GPHN: variants seen among roughly 807,000 people sequenced by gnomAD.
The protein encoded by GPHN is gephyrin.
A neutral mutation model predicts 95.5 loss-of-function variants in GPHN; 17 were observed. The ratio of observed to expected loss-of-function variants is 0.18; its 90% confidence interval spans 0.12 to 0.27. The LOEUF is 0.27. Among genes scored for constraint, GPHN ranks in the 10% least tolerant of loss-of-function variants. The pLI is 1.00. For synonymous variants in GPHN, 320 were observed against 322.5 expected (o/e 0.99, Z 0.08); for missense variants, 660 against 978.1 (o/e 0.67, Z 4.34).
At chr14:66,918,014 C>G (rs1047736342) in intron 6 of GPHN, among the ~76,000 whole-genome samples, 1 of 152,194 alleles carries the variant, frequency 6.6e-6, no homozygotes, top group Non-Finnish European at 1.5e-5. Context: ...TTGCTCATTT[C>G]TGACCCTAAT....
chr14:66,962,322 G>A (rs1478645821), intron 8 of GPHN, among the ~76,000 whole-genome samples: 1 of 150,134 alleles, frequency 6.7e-6, no homozygotes, highest in East Asian at 1.9e-4. Context: ...TGTATCTCCA[G>A]CATAGGCAGT....
chr14:67,507,394 C>T, the GPHN span, among the ~76,000 whole-genome samples: 1 of 151,984 alleles, frequency 6.6e-6, no homozygotes, highest in South Asian at 2.1e-4. Flanking sequence ...CCAGAGACCT[C>T]AAGTTCTGGA....
At chr14:66,993,201 C>T (rs906991172) in intron 9 of GPHN, among the ~76,000 whole-genome samples, 1 of 151,956 alleles carries the variant, frequency 6.6e-6, no homozygotes, top group Non-Finnish European at 1.5e-5. Flanking sequence ...TTTTTATTTT[C>T]TTCTTTTTTA....
At chr14:66,981,052 AAGAAAAAG>A (rs1260110305) in intron 9 of GPHN, among the ~76,000 whole-genome samples, 1 of 152,232 alleles carries the variant, frequency 6.6e-6, no homozygotes, top group Admixed American at 6.5e-5. Flanking sequence ...TCCGTCTCAA[AAGAAAAAG>A]ATTTCCTAAG....
chr14:67,259,350 C>A, the GPHN span, among the ~76,000 whole-genome samples: 102 of 151,980 alleles, frequency 6.7e-4, no homozygotes, highest in Middle Eastern at 3.4e-3. Context: ...GTGGCTCACA[C>A]CTGTAATCCC....
chr14:67,243,025 G>A, the GPHN span, among the ~76,000 whole-genome samples: 1 of 151,978 alleles, frequency 6.6e-6, no homozygotes, highest in South Asian at 2.1e-4. Flanking sequence ...ATCTCCTGAG[G>A]GCTGTGTCAT....
chr14:67,719,381 AG>A, the GPHN span, among the ~76,000 whole-genome samples: 1 of 152,254 alleles, frequency 6.6e-6, no homozygotes, highest in Admixed American at 6.5e-5. Flanking sequence ...GTAAGCCATC[AG>A]TCTTAAGACC....
At chr14:66,788,737 A>G (rs1595904007) in intron 3 of GPHN, among the ~76,000 whole-genome samples, 3 of 152,064 alleles carry the variant, frequency 2.0e-5, no homozygotes, top group Non-Finnish European at 4.4e-5. Flanking sequence ...GCTCACTGCA[A>G]CCTCCAACCC....
intron 3 of GPHN, among the ~76,000 whole-genome samples, chr14:66,803,685 T>C (rs1346217324): frequency 1.3e-5 from 2 of 152,152 alleles, no homozygotes; most frequent in Non-Finnish European, 2.9e-5. Flanking sequence ...ATATTTTTCC[T>C]CTTTCTTTTT....
At chr14:67,158,503 AGATAGAAG>A (rs1239096255) in intron 18 of GPHN, among the ~76,000 whole-genome samples, 1 of 152,118 alleles carries the variant, frequency 6.6e-6, no homozygotes, top group East Asian at 1.9e-4. Flanking sequence ...GAGGCTGTAG[AGATAGAAG>A]GGAACACATT....
chr14:66,923,522 T>C (rs1305284221), intron 7 of GPHN, among the ~76,000 whole-genome samples: 1 of 152,158 alleles, frequency 6.6e-6, no homozygotes, highest in African/African-American at 2.4e-5. Flanking sequence ...AATATCAAAG[T>C]ATTACAAATT....
chr14:67,030,442 A>G (rs919468439), intron 10 of GPHN, among the ~76,000 whole-genome samples: 1 of 152,046 alleles, frequency 6.6e-6, no homozygotes, highest in African/African-American at 2.4e-5. Flanking sequence ...TAAAGGCCCA[A>G]CTCCTTAAAA....
chr14:67,470,627 C>T, the GPHN span: 12 of 153,010 alleles, frequency 7.8e-5, no homozygotes, highest in African/African-American at 2.6e-4. Context: ...AGGAGACCCA[C>T]GCAGAGTGAG....
rs183976255 is a variant in GPHN at position 66,588,311 on chromosome 14, A to G, written c.64+79720A>G. Among the ~76,000 whole-genome samples the G allele has an allele frequency of 2.0e-4, 30 of 152,266 alleles. 1 individual carries two copies. In the East Asian group the frequency reaches 5.6e-3, roughly 29 times the overall value. On this transcript the variant is annotated intron_variant, in intron 1 of 22. Coordinates refer to ENST00000478722, the MANE Select transcript of GPHN (RefSeq NM_020806.5). ...ACCAGCACAAAAGACTGAAAATTCC[A>G]AAAACCAGAATGCCTCTTCTCCTCC...
chr14:66,941,535 C>T (rs919239485), intron 8 of GPHN, among the ~76,000 whole-genome samples: 1 of 152,102 alleles, frequency 6.6e-6, no homozygotes, highest in African/African-American at 2.4e-5. Context: ...TAGAAAGAGA[C>T]ATTCTTTACT....
intron 10 of GPHN, among the ~76,000 whole-genome samples, chr14:67,053,261 A>T (rs908302137): frequency 2.0e-5 from 3 of 151,438 alleles, no homozygotes; most frequent in Admixed American, 1.3e-4. Flanking sequence ...AATAGACACA[A>T]TAAAAAATGA....
chr14:66,706,874 G>A (rs993139272), intron 2 of GPHN, among the ~76,000 whole-genome samples: 1 of 151,758 alleles, frequency 6.6e-6, no homozygotes, highest in African/African-American at 2.4e-5. Context: ...GAGTGAACAG[G>A]CAACCTACAG....
chr14:66,531,523 T>C (rs2058938273), intron 1 of GPHN, among the ~76,000 whole-genome samples: 1 of 152,200 alleles, frequency 6.6e-6, no homozygotes. Context: ...GTAGGTCATA[T>C]AATACATGAC....
At chr14:67,458,360 C>T in the GPHN span, among the ~76,000 whole-genome samples, 77 of 152,224 alleles carry the variant, frequency 5.1e-4, no homozygotes, top group African/African-American at 1.5e-3. Context: ...CTCTCTGGTT[C>T]GTTCAACAAA....
Sources: gnomAD v4.1 joint callset for allele counts (sites outside exome capture counted in the v4.1 genomes callset) on GRCh38, gnomAD v4.1.1 for gene constraint, MANE v1.5 for transcripts, NCBI Gene and HGNC (gene_info 2026-07-23, HGNC 2026-07-21) for gene names.